Variants in OR9Q1 observed in about 807,000 individuals in gnomAD.
OR9Q1 encodes olfactory receptor 9Q1.
For missense variants in OR9Q1, 374 were observed against 378.8 expected (o/e 0.99, Z 0.11); for synonymous variants, 153 against 148.6 (o/e 1.03, Z -0.22).
intron 2 of OR9Q1, among the ~76,000 whole-genome samples, chr11:58,098,382 C>T (rs973628191): frequency 6.6e-6 from 1 of 152,048 alleles, no homozygotes; most frequent in Non-Finnish European, 1.5e-5. Flanking sequence ...ATTTTTTTGT[C>T]ATGCTAGTTA....
chr11:58,118,823 A>G, intron 2 of OR9Q1: 1 of 1,614,060 alleles, frequency 6.2e-7, no homozygotes, highest in Non-Finnish European at 8.5e-7. Context: ...GCATTGGCCA[A>G]AATCACAAAA....
intron 2 of OR9Q1, among the ~76,000 whole-genome samples, chr11:58,079,302 A>G (rs894226767): frequency 6.6e-6 from 1 of 152,092 alleles, no homozygotes; most frequent in Non-Finnish European, 1.5e-5. Flanking sequence ...GCTTTGCAAA[A>G]AGATTCCTTG....
intron 2 of OR9Q1, among the ~76,000 whole-genome samples, chr11:58,132,515 G>T (rs1168482110): frequency 6.6e-6 from 1 of 152,200 alleles, no homozygotes; most frequent in Non-Finnish European, 1.5e-5. Context: ...AATATGATGT[G>T]CCAGACATTG....
rs1249476420 is a variant in OR9Q1 at position 58,181,148 on chromosome 11, C to G, written c.*771C>G. ...GGATATATGCCCTGTTCTTTTTCTT[C>G]CTACCTATTACAGTTCTCTCTCGTC... is the stretch of plus-strand genomic sequence containing the variant. On this transcript the variant is annotated 3_prime_UTR_variant, in exon 3 of 3. Transcript: ENST00000335397. The G allele has an allele frequency of 6.0e-6, 1 of 167,002 alleles. No individual in the cohort carries two copies. Among genetic ancestry groups the G allele is most frequent in the Admixed American group, 6.5e-5 (1 of 15,286 alleles). The allele number at this position is 167,002 out of a possible 1,614,324, so 10.3% of individuals were successfully genotyped here.
At chr11:58,112,583 T>C (rs1214397540) in intron 2 of OR9Q1, among the ~76,000 whole-genome samples, 1 of 152,160 alleles carries the variant, frequency 6.6e-6, no homozygotes, top group Non-Finnish European at 1.5e-5. Flanking sequence ...GCTGTCATAC[T>C]CTCTCTGATT....
intron 2 of OR9Q1, among the ~76,000 whole-genome samples, chr11:58,111,116 TAAC>T (rs538715579): frequency 2.0e-5 from 3 of 152,160 alleles, no homozygotes; most frequent in Non-Finnish European, 4.4e-5. Flanking sequence ...TCCTAATAAT[TAAC>T]AACTCCACTA....
intron 1 of OR9Q1, chr11:58,031,334 G>A (rs772853912): frequency 6.2e-7 from 1 of 1,614,148 alleles, no homozygotes; most frequent in East Asian, 2.2e-5. Flanking sequence ...TGATCGTTAT[G>A]TGGCCATTTG....
intron 2 of OR9Q1, among the ~76,000 whole-genome samples, chr11:58,063,062 A>G (rs2441980): frequency 0.024 from 3,700 of 152,296 alleles, 154 homozygotes; most frequent in African/African-American, 0.081. Flanking sequence ...ACAATTCTCT[A>G]CACCACTGGT....
intron 2 of OR9Q1, among the ~76,000 whole-genome samples, chr11:58,169,098 A>C (rs1347731296): frequency 6.6e-6 from 1 of 152,110 alleles, no homozygotes; most frequent in Admixed American, 6.6e-5. Flanking sequence ...ATGCAAAATA[A>C]TTTTCTCTGA....
chr11:58,034,097 T>A (rs1169613576), intron 1 of OR9Q1, among the ~76,000 whole-genome samples: 3 of 146,250 alleles, frequency 2.1e-5, no homozygotes, highest in Non-Finnish European at 4.5e-5. Context: ...TTTTTTTTTT[T>A]TTTAGACAGA....
chr11:58,085,741 G>A (rs922516667), intron 2 of OR9Q1, among the ~76,000 whole-genome samples: 6 of 151,686 alleles, frequency 4.0e-5, no homozygotes, highest in Non-Finnish European at 8.8e-5. Flanking sequence ...AATCTTCAAT[G>A]GGCTCTTTAC....
At chr11:58,149,771 T>G (rs1854331602) in intron 2 of OR9Q1, among the ~76,000 whole-genome samples, 1 of 152,236 alleles carries the variant, frequency 6.6e-6, no homozygotes. Flanking sequence ...GGTTCATGCA[T>G]TTTGTAGCAC....
At chr11:58,170,744 G>A (rs1854546788) in intron 2 of OR9Q1, among the ~76,000 whole-genome samples, 1 of 152,074 alleles carries the variant, frequency 6.6e-6, no homozygotes. Context: ...TCTCTTGTCT[G>A]CCACCATGTA....
intron 2 of OR9Q1, among the ~76,000 whole-genome samples, chr11:58,140,901 G>A (rs1441090817): frequency 2.6e-5 from 4 of 152,164 alleles, no homozygotes; most frequent in Admixed American, 1.3e-4. Flanking sequence ...TCACGATACT[G>A]ATTCTTCTTA....
At chr11:58,046,624 G>A (rs540697565) in intron 1 of OR9Q1, among the ~76,000 whole-genome samples, 1 of 152,270 alleles carries the variant, frequency 6.6e-6, no homozygotes, top group Admixed American at 6.5e-5. Flanking sequence ...CACTTTGGGA[G>A]GCTGAGGCGG....
intron 2 of OR9Q1, chr11:58,109,444 C>T (rs555663760): frequency 1.3e-5 from 6 of 461,634 alleles, no homozygotes; most frequent in African/African-American, 6.0e-5. Flanking sequence ...TACTGAGGCA[C>T]AGCAGGCATC....
chr11:58,024,725 T>C (rs531184212), intron 1 of OR9Q1, among the ~76,000 whole-genome samples: 24 of 152,158 alleles, frequency 1.6e-4, no homozygotes, highest in Non-Finnish European at 2.5e-4. Context: ...GTGGATAAAG[T>C]TCCCTGAACC....
At chr11:58,108,726 C>A (rs1338389180) in intron 2 of OR9Q1, 1 of 221,758 alleles carries the variant, frequency 4.5e-6, no homozygotes, top group Non-Finnish European at 9.0e-6. Flanking sequence ...AAGCTACATT[C>A]GTTGGAAATT....
chr11:58,095,551 A>G (rs1853722500), intron 2 of OR9Q1, among the ~76,000 whole-genome samples: 1 of 152,190 alleles, frequency 6.6e-6, no homozygotes. Context: ...TCATGGTGGA[A>G]GGGGAAGCAA....
Sources: gnomAD v4.1 joint callset for allele counts (sites outside exome capture counted in the v4.1 genomes callset) on GRCh38, gnomAD v4.1.1 for gene constraint, MANE v1.5 for transcripts, NCBI Gene and HGNC (gene_info 2026-07-23, HGNC 2026-07-21) for gene names.